The following SYN3 variants were observed in gnomAD, a reference collection of about 807,000 sequenced individuals.
The protein encoded by SYN3 is synapsin III.
SYN3 carries 35 observed loss-of-function variants against 65.8 expected under a neutral mutation model. The ratio of observed to expected loss-of-function variants is 0.53; its 90% CI spans 0.41 to 0.70. The LOEUF (loss-of-function observed/expected upper bound fraction) is 0.70, where lower values mean the gene tolerates loss of function less well. SYN3 is among the 30% of genes least tolerant of loss of function. The pLI is 0.00. For missense variants in SYN3, 680 were observed against 749.0 expected (o/e 0.91, Z 1.08); for synonymous variants, 270 against 292.9 (o/e 0.92, Z 0.80).
At chr22:33,047,055 C>T (rs773829007) in intron 1 of SYN3, among the ~76,000 whole-genome samples, 1 of 152,038 alleles carries the variant, frequency 6.6e-6, no homozygotes, top group Admixed American at 6.6e-5. Context: ...CACGGCTCTA[C>T]TGAAATATTT....
intron 6 of SYN3, among the ~76,000 whole-genome samples, chr22:32,617,838 C>A (rs1308648636): frequency 6.6e-6 from 1 of 151,412 alleles, no homozygotes; most frequent in African/African-American, 2.4e-5. Flanking sequence ...CTGCCCGAGG[C>A]TTGAGGAGAG....
At chr22:32,832,601 A>G (rs1173556714) in intron 6 of SYN3, among the ~76,000 whole-genome samples, 1 of 150,318 alleles carries the variant, frequency 6.7e-6, no homozygotes, top group Non-Finnish European at 1.5e-5. Context: ...ACAGTTATTT[A>G]GTAGAGTACG....
intron 3 of SYN3, among the ~76,000 whole-genome samples, chr22:32,935,481 A>T (rs144906301): frequency 0.016 from 2,024 of 122,936 alleles, 59 homozygotes; most frequent in African/African-American, 0.061. Flanking sequence ...ATGGAGTTTC[A>T]CTCTTGTTGC....
chr22:32,994,314 G>A (rs1292791372), intron 2 of SYN3, among the ~76,000 whole-genome samples: 3 of 152,128 alleles, frequency 2.0e-5, no homozygotes, highest in Non-Finnish European at 4.4e-5. Flanking sequence ...CGAGGGGGTA[G>A]GGAGGGGCAG....
intron 3 of SYN3, among the ~76,000 whole-genome samples, chr22:32,953,314 T>A (rs982495724): frequency 1.3e-5 from 2 of 152,094 alleles, no homozygotes; most frequent in African/African-American, 4.8e-5. Context: ...GACACAGCAG[T>A]GAAAGTAACA....
At chr22:32,739,564 C>A (rs1011191277) in intron 6 of SYN3, among the ~76,000 whole-genome samples, 2 of 152,176 alleles carry the variant, frequency 1.3e-5, no homozygotes, top group African/African-American at 4.8e-5. Context: ...TTACTGATAT[C>A]TACCTGGTCC....
At chr22:32,780,114 C>G (rs556797650) in intron 6 of SYN3, among the ~76,000 whole-genome samples, 178 of 142,252 alleles carry the variant, frequency 1.3e-3, no homozygotes, top group Non-Finnish European at 1.8e-3. Context: ...ACAGAAATGG[C>G]CTGCCCTGAC....
chr22:32,623,807 T>C (rs2059628119), intron 6 of SYN3, among the ~76,000 whole-genome samples: 1 of 152,162 alleles, frequency 6.6e-6, no homozygotes, highest in South Asian at 2.1e-4. Context: ...GGGACTTGGG[T>C]CCAGGGTGGG....
At chr22:32,841,810 G>A (rs1332412735) in intron 6 of SYN3, among the ~76,000 whole-genome samples, 1 of 152,042 alleles carries the variant, frequency 6.6e-6, no homozygotes, top group East Asian at 1.9e-4. Context: ...TAACAAGCCT[G>A]CACATCCTGC....
chr22:32,596,928 GC>G (rs1320619244), intron 6 of SYN3, among the ~76,000 whole-genome samples, 192 bp from the exon 7 acceptor site: 1 of 152,200 alleles, frequency 6.6e-6, no homozygotes. Flanking sequence ...TCCAAAGGAA[GC>G]TCTGAGCTCT....
At position 32,990,399 on chromosome 22, in the gene SYN3, TCCATCCAG is replaced by T. The variant is rs1480291621; in HGVS notation, c.312-9705_312-9698del. On this transcript the variant is annotated intron_variant, in intron 2 of 13. Transcript: ENST00000358763. Reference sequence around the variant, plus strand: ...ATGCATCCATCCACCCATCCATCCATCCATCCAGCCATCCATCCATCCATCCATCCATC... The same window carrying T: ...ATGCATCCATCCACCCATCCATCCATCCATCCATCCATCCATCCATCCATC... Among the ~76,000 whole-genome samples, 29 of 130,764 alleles carry T rather than the reference TCCATCCAG, an allele frequency of 2.2e-4. No homozygotes were observed. The East Asian group carries it at 4.3e-3, about 19-fold the overall frequency. The allele number at this position is 130,764 out of a possible 152,430, so 85.8% of individuals were successfully genotyped here.
At chr22:32,877,919 A>G (rs2049024695) in intron 4 of SYN3, among the ~76,000 whole-genome samples, 2 of 152,166 alleles carry the variant, frequency 1.3e-5, no homozygotes, top group Admixed American at 6.5e-5. Context: ...AGATTTATAG[A>G]GCACTTCCTT....
chr22:32,949,046 A>G (rs1197719674), intron 3 of SYN3, among the ~76,000 whole-genome samples: 1 of 152,130 alleles, frequency 6.6e-6, no homozygotes, highest in East Asian at 1.9e-4. Flanking sequence ...CCAGTTGAGC[A>G]TCTCTAATCC....
intron 6 of SYN3, among the ~76,000 whole-genome samples, chr22:32,750,487 C>T (rs377260209): frequency 3.9e-5 from 6 of 152,158 alleles, no homozygotes; most frequent in East Asian, 1.9e-4. Context: ...TGAGAAATAA[C>T]GGTGGTGTAC....
At chr22:33,008,765 A>T (rs114583266) in intron 1 of SYN3, among the ~76,000 whole-genome samples, 1,743 of 151,832 alleles carry the variant, frequency 0.011, 42 homozygotes, top group African/African-American at 0.04. Context: ...AGTAAAAATA[A>T]TTTTTTTTAA....
At chr22:32,879,544 G>C (rs147431517) in intron 4 of SYN3, among the ~76,000 whole-genome samples, 6 of 152,250 alleles carry the variant, frequency 3.9e-5, no homozygotes, top group Admixed American at 3.3e-4. Context: ...GAGCTCTCTC[G>C]GGGCCTCTTA....
intron 2 of SYN3, among the ~76,000 whole-genome samples, chr22:32,989,754 G>A (rs1034468736): frequency 6.8e-6 from 1 of 147,578 alleles, no homozygotes; most frequent in Non-Finnish European, 1.5e-5. Flanking sequence ...AAAAATGCAT[G>A]AACCCAGGAG....
Position 32,511,115 on chromosome 22 carries a change from A to G in SYN3, c.*2577T>C, listed in dbSNP as rs909279848. On this transcript the variant is annotated 3_prime_UTR_variant, in exon 14 of 14. Coordinates refer to ENST00000358763, the MANE Select transcript of SYN3 (RefSeq NM_003490.4). The stretch of plus-strand genomic sequence containing the variant: ...TTTCTTTTAACAGAATAACTTTAAA[A>G]GGTACCCACATCTGATATTTTGAAT... Among the ~76,000 whole-genome samples, 1 of 152,114 alleles carries G rather than the reference A, an allele frequency of 6.6e-6. No individual in the cohort carries two copies. Among genetic ancestry groups the G allele is most frequent in the Non-Finnish European group, 1.5e-5 (1 of 68,018 alleles).
chr22:33,026,705 C>A (rs2053646129), intron 1 of SYN3, among the ~76,000 whole-genome samples: 1 of 152,160 alleles, frequency 6.6e-6, no homozygotes, highest in African/African-American at 2.4e-5. Flanking sequence ...AACTCCCCAA[C>A]TCCTAGTTCC....
Sources: allele counts gnomAD v4.1 joint callset (sites outside exome capture counted in the v4.1 genomes callset), GRCh38; gene constraint gnomAD v4.1.1; transcripts MANE v1.5; gene names NCBI Gene and HGNC (gene_info 2026-07-23, HGNC 2026-07-21).